Variants in PIANP observed in about 807,000 individuals in gnomAD.
The protein encoded by PIANP is PILR alpha associated neural protein, also known as PILR alpha-associated neural protein.
PIANP carries 14 observed loss-of-function variants against 28.9 expected under a neutral mutation model. That is an observed-to-expected ratio of 0.49 (90% CI 0.32 to 0.76). The LOEUF is 0.76. Ranked by LOEUF, PIANP falls within the 30% of genes least tolerant of loss-of-function variation. The pLI is 0.03. For missense variants in PIANP, 322 were observed against 371.8 expected (o/e 0.87, Z 1.10); for synonymous variants, 149 against 156.6 (o/e 0.95, Z 0.36).
chr12:6,698,005 G>GA, intron 2 of PIANP, 40 bp downstream of exon 2: 7 of 1,553,106 alleles, frequency 4.5e-6, no homozygotes, highest in Non-Finnish European at 6.1e-6. Flanking sequence ...TGGCCCCAGG[G>GA]AATGTGGTCT....
At chr12:6,693,049 G>A (rs1294474868), downstream of PIANP, among the ~76,000 whole-genome samples, 2 of 152,100 alleles carry the variant, frequency 1.3e-5, no homozygotes, top group African/African-American at 2.4e-5. Flanking sequence ...TGGGACCTGG[G>A]TGGTTACCAT....
rs549191146 is a variant in PIANP at position 6,695,513 on chromosome 12, G to C, written c.744C>G (p.Pro248=). ...CTCGGGGCTCCTCATGGTCAGGGGT[G>C]GGGGTAGGTGAGTCCCCGAAGGCCC... ...VLGAFGDSPT[P]TPDHEEPRGG... The change falls in exon 5 of 5, where the codon CCC becomes CCG. Residue 248 remains proline (P), a synonymous_variant. Transcript: ENST00000534837. This position sits in a 1 kb window ranked among gnomAD's most constrained non-coding sequence, Gnocchi z 4.2. The C allele has an allele frequency of 5.1e-6, 8 of 1,566,434 alleles. No individual in the cohort carries two copies. The highest frequency in any genetic ancestry group is 4.1e-5 in the African/African-American group (3 of 73,428).
rs1428314035 is a variant in PIANP at position 6,695,457 on chromosome 12, T to C, written c.800A>G (p.Lys267Arg). The change falls in exon 5 of 5, where the codon AAG becomes AGG. Residue 267 changes from lysine (K) to arginine (R), a missense_variant. Transcript: ENST00000534837. The surrounding 1 kb of genome is among the most constrained non-coding windows in gnomAD (Gnocchi z 4.2). ...GGPRPGMPHP[K>R]GAPAFQLNR ...GTTCAACTGGAAGGCTGGAGCCCCCTTGGGGTGGGGCATCCCAGGCCGGGG... is the reference window on the plus strand; with the variant it reads ...GTTCAACTGGAAGGCTGGAGCCCCCCTGGGGTGGGGCATCCCAGGCCGGGG... The C allele has an allele frequency of 6.6e-7, 1 of 1,508,200 alleles. No individual in the cohort carries two copies. The highest frequency in any genetic ancestry group is 8.9e-7 in the Non-Finnish European group (1 of 1,127,682). 93.4% of individuals were successfully genotyped at this position (1,508,200 alleles called of 1,614,324 possible).
chr12:6,697,807 A>G lies in PIANP; in HGVS notation c.18-15T>C. The G allele has an allele frequency of 6.6e-7, 1 of 1,519,930 alleles. No individual in the cohort carries two copies. The highest frequency in any genetic ancestry group is 8.8e-7 in the Non-Finnish European group (1 of 1,136,242). The allele number at this position is 1,519,930 out of a possible 1,614,324, so 94.2% of individuals were successfully genotyped here. A position where few individuals can be genotyped will look rare whatever the true frequency, so the allele number is the denominator to read the frequency against. ...GCAGCGCAGGCCTGCAAGAAGGGAGAGAGCGTGGCTGAGACACAGGCCTAC... is the reference window on the plus strand; with the variant it reads ...GCAGCGCAGGCCTGCAAGAAGGGAGGGAGCGTGGCTGAGACACAGGCCTAC... On this transcript the variant is annotated splice_polypyrimidine_tract_variant and intron_variant, in intron 2 of 4. Coordinates refer to ENST00000534837, the MANE Select transcript of PIANP (RefSeq NM_001244014.2). This position sits in a 1 kb window ranked among gnomAD's most constrained non-coding sequence, Gnocchi z 6.9.
In PIANP at chr12:6,697,152, T is replaced by A; in HGVS notation, c.523+135A>T. The A allele has an allele frequency of 7.7e-7, 1 of 1,307,030 alleles. No homozygotes were observed. The highest frequency in any genetic ancestry group is 1.0e-6 in the Non-Finnish European group (1 of 963,838). The allele number at this position is 1,307,030 out of a possible 1,614,324, so 81.0% of individuals were successfully genotyped here. ...CCTGAACTCCGAGAGGGTGTCTTTA[T>A]CTCTGCATCCTGTGCCAGTATAGTG... On this transcript the variant is annotated intron_variant, in intron 3 of 4. Transcript: ENST00000534837. This position sits in a 1 kb window ranked among gnomAD's most constrained non-coding sequence, Gnocchi z 6.9.
chr12:6,694,862 G>A lies in PIANP; in HGVS notation c.*564C>T. 2.7e-6 allele frequency: 2 copies of A among 742,730 alleles called. No homozygotes were observed. Among genetic ancestry groups the A allele is most frequent in the Non-Finnish European group, 4.2e-6 (2 of 480,872 alleles). The allele number at this position is 742,730 out of a possible 1,614,324, so 46.0% of individuals were successfully genotyped here. ...ATATGTGAGGCCCCCACCTGCAGGA[G>A]GGCGAGCAGATAGGATTGCCCGTGG... On this transcript the variant is annotated 3_prime_UTR_variant, in exon 5 of 5. Coordinates refer to ENST00000534837, the MANE Select transcript of PIANP (RefSeq NM_001244014.2). This position sits in a 1 kb window ranked among gnomAD's most constrained non-coding sequence, Gnocchi z 6.1.
At chr12:6,693,607 G>A (rs77400802), downstream of PIANP, among the ~76,000 whole-genome samples, 3,791 of 152,086 alleles carry the variant, frequency 0.025, 62 homozygotes, top group Admixed American at 0.043. Context: ...ACTGCTCCTC[G>A]TCAGGATGGC....
chr12:6,695,449 G>C lies in PIANP; in HGVS notation c.808C>G (p.Pro270Ala). 5 of 1,497,332 alleles carry C rather than the reference G, an allele frequency of 3.3e-6. No homozygotes were observed. Among genetic ancestry groups the C allele is most frequent in the Non-Finnish European group, 4.5e-6 (5 of 1,123,344 alleles). The allele number at this position is 1,497,332 out of a possible 1,614,324, so 92.8% of individuals were successfully genotyped here. A position where few individuals can be genotyped will look rare whatever the true frequency, so the allele number is the denominator to read the frequency against. ...RPGMPHPKGAPAFQLNR is the reference protein window; with the variant it reads ...RPGMPHPKGAAAFQLNR ...CCTCACCGGTTCAACTGGAAGGCTG[G>C]AGCCCCCTTGGGGTGGGGCATCCCA... The change falls in exon 5 of 5, where the codon CCA becomes GCA. Residue 270 changes from proline (P) to alanine (A), a missense_variant. Coordinates refer to ENST00000534837, the MANE Select transcript of PIANP (RefSeq NM_001244014.2). The surrounding 1 kb of genome is among the most constrained non-coding windows in gnomAD (Gnocchi z 4.2).
chr12:6,698,418 A>C, intron 1 of PIANP: 1 of 377,610 alleles, frequency 2.6e-6, no homozygotes, highest in Non-Finnish European at 5.0e-6. Flanking sequence ...TTGGATCTTA[A>C]TTTAGAGCCA....
downstream of PIANP, among the ~76,000 whole-genome samples, chr12:6,692,575 G>A (rs1023102063): frequency 5.3e-5 from 8 of 152,176 alleles, no homozygotes; most frequent in East Asian, 1.9e-4. Context: ...TATCCAGCCC[G>A]CTCTCCCATC....
downstream of PIANP, among the ~76,000 whole-genome samples, chr12:6,693,027 AG>A (rs1203524081): frequency 6.6e-6 from 1 of 151,774 alleles, no homozygotes; most frequent in Non-Finnish European, 1.5e-5. Flanking sequence ...AGATTGGGGG[AG>A]GGGGGATAGA....
Position 6,697,571 on chromosome 12 carries a change from A to T in PIANP, c.239T>A (p.Val80Asp), listed in dbSNP as rs1267995072. Reference protein sequence around the residue: ...SPRVPRSRRQVLPGTAPPATP... With the variant: ...SPRVPRSRRQDLPGTAPPATP... ...GGCTGGGGGTGCAGTGCCAGGCAGG[A>T]CTTGCCGACGTGATCTTGGGACCCG... Residue 80 changes from valine to aspartate, a missense_variant, in exon 3 of 5, where the codon GTC becomes GAC. Coordinates refer to ENST00000534837, the MANE Select transcript of PIANP (RefSeq NM_001244014.2). This position sits in a 1 kb window ranked among gnomAD's most constrained non-coding sequence, Gnocchi z 6.9. 2.5e-6 allele frequency: 4 copies of T among 1,596,918 alleles called. No individual in the cohort carries two copies. In the Admixed American group the frequency reaches 7.1e-5, roughly 28 times the overall value.
downstream of PIANP, among the ~76,000 whole-genome samples, chr12:6,692,731 T>C (rs549861849): frequency 1.9e-3 from 283 of 152,280 alleles, 1 homozygote; most frequent in Middle Eastern, 0.027. Flanking sequence ...TTAGGGAGTG[T>C]GACGCCCTGA....
rs368320213 is a variant in PIANP at position 6,695,501 on chromosome 12, A to C, written c.756T>G (p.His252Gln). The change falls in exon 5 of 5, where the codon CAT becomes CAG. Residue 252 changes from histidine to glutamine, a missense_variant. Physicochemically the swap from His to Gln is conservative, Grantham distance 24 (BLOSUM62 0). Transcript: ENST00000534837. The surrounding 1 kb of genome is among the most constrained non-coding windows in gnomAD (Gnocchi z 4.2). ...GCCGGGGTCCCCCTCGGGGCTCCTC[A>C]TGGTCAGGGGTGGGGGTAGGTGAGT... ...FGDSPTPTPDHEEPRGGPRPG... is the reference protein window; with the variant it reads ...FGDSPTPTPDQEEPRGGPRPG... 2 of 1,545,558 alleles carry C rather than the reference A, an allele frequency of 1.3e-6. No homozygotes were observed. Among genetic ancestry groups the C allele is most frequent in the South Asian group, 2.5e-5 (2 of 80,532 alleles).
chr12:6,695,429 C>T lies in PIANP; in HGVS notation c.828G>A (p.Arg276=). Residue 276 remains arginine (R), a synonymous_variant, in exon 5 of 5, where the codon CGG becomes CGA. Transcript: ENST00000534837. This position sits in a 1 kb window ranked among gnomAD's most constrained non-coding sequence, Gnocchi z 4.2. The part of the protein sequence containing the change: ...PKGAPAFQLN[R] ...TCCCATCCCATTGCCCCTGCCCTCA[C>T]CGGTTCAACTGGAAGGCTGGAGCCC... 6.7e-7 allele frequency: 1 copy of T among 1,491,766 alleles called. No individual in the cohort carries two copies. The highest frequency in any genetic ancestry group is 2.5e-4 in the Middle Eastern group (1 of 4,032). 92.4% of individuals were successfully genotyped at this position (1,491,766 alleles called of 1,614,324 possible).
At position 6,695,440 on chromosome 12, in the gene PIANP, G is replaced by A. The variant is rs1383428382; in HGVS notation, c.817C>T (p.Gln273Ter). 2.7e-6 allele frequency: 4 copies of A among 1,492,848 alleles called. No individual in the cohort carries two copies. The highest frequency in any genetic ancestry group is 3.6e-6 in the Non-Finnish European group (4 of 1,121,362). The allele number at this position is 1,492,848 out of a possible 1,614,324, so 92.5% of individuals were successfully genotyped here. The change falls in exon 5 of 5, where the codon CAG (glutamine) becomes TAG (stop). Residue 273 changes from glutamine (Q) to a stop codon, truncating the protein, a stop_gained. Coordinates refer to ENST00000534837, the MANE Select transcript of PIANP (RefSeq NM_001244014.2). LOFTEE classifies it high-confidence loss of function. This position sits in a 1 kb window ranked among gnomAD's most constrained non-coding sequence, Gnocchi z 4.2. ...MPHPKGAPAF[Q>*]LNR ...TGCCCCTGCCCTCACCGGTTCAACT[G>A]GAAGGCTGGAGCCCCCTTGGGGTGG...
Position 6,695,753 on chromosome 12 carries a change from A to C in PIANP, c.606-102T>G. On this transcript the variant is annotated intron_variant, in intron 4 of 4. Transcript: ENST00000534837. The surrounding 1 kb of genome is among the most constrained non-coding windows in gnomAD (Gnocchi z 4.2). ...CCAGCCTCGCCCAGTCACTCCCAAC[A>C]TCTTATAGCAGAGAAACTGGCCTTT... is the stretch of plus-strand genomic sequence containing the variant. 1 of 1,271,732 alleles carries C rather than the reference A, an allele frequency of 7.9e-7. No individual in the cohort carries two copies. Among genetic ancestry groups the C allele is most frequent in the Non-Finnish European group, 1.0e-6 (1 of 987,472 alleles). 78.8% of individuals were successfully genotyped at this position (1,271,732 alleles called of 1,614,324 possible).
rs891461688 is a variant in PIANP, at chr12:6,696,933, T to G, written c.523+354A>C. Among the ~76,000 whole-genome samples the G allele has an allele frequency of 4.9e-4, 74 of 152,244 alleles. No homozygotes were observed. Among genetic ancestry groups the G allele is most frequent in the African/African-American group, 1.7e-3 (71 of 41,548 alleles). On this transcript the variant is annotated intron_variant, in intron 3 of 4. Transcript: ENST00000534837. The surrounding 1 kb of genome is among the most constrained non-coding windows in gnomAD (Gnocchi z 4.0). ...GGGTAGTGCCCTTCATTCATGGCAT[T>G]CTCTGCCCAGAATACTCCCACTCTC...
rs1344170798 is a variant in PIANP at position 6,694,555 on chromosome 12, GGA to G, written c.*869_*870del. ...AACGAGGTGGGTGGGTGTTCATGAG[GGA>G]GAGAGTGAGCACGCCGCACACCACC... On this transcript the variant is annotated 3_prime_UTR_variant, in exon 5 of 5. Transcript: ENST00000534837. This position sits in a 1 kb window ranked among gnomAD's most constrained non-coding sequence, Gnocchi z 6.1. 1.3e-5 allele frequency: 2 copies of G among 153,724 alleles called. No individual in the cohort carries two copies. The highest frequency in any genetic ancestry group is 3.8e-4 in the East Asian group (2 of 5,200). The allele number at this position is 153,724 out of a possible 1,614,324, so 9.5% of individuals were successfully genotyped here. A position where few individuals can be genotyped will look rare whatever the true frequency, so the allele number is the denominator to read the frequency against.
Sources: gnomAD v4.1 joint callset for allele counts (sites outside exome capture counted in the v4.1 genomes callset) on GRCh38, gnomAD v4.1.1 for gene constraint, Gnocchi (gnomAD v3.1) non-coding constraint, MANE v1.5 for transcripts, NCBI Gene and HGNC (gene_info 2026-07-23, HGNC 2026-07-21) for gene names.